Variants in CSMD1 observed in about 807,000 individuals in gnomAD.
CSMD1 encodes the protein CUB and Sushi multiple domains 1.
In CSMD1, 213 loss-of-function variants were observed where a neutral mutation model predicts 417.5. The ratio of observed to expected loss-of-function variants is 0.51; its 90% CI spans 0.46 to 0.57. CSMD1 has a LOEUF of 0.57. CSMD1 is among the 20% of genes least tolerant of loss of function. CSMD1 has a pLI of 0.00. For missense variants in CSMD1, 6,923 were observed against 4,529.7 expected, an observed-to-expected ratio of 1.53 and a Z score of -15.17; for synonymous variants, 2,862 against 1,736.8, an observed-to-expected ratio of 1.65 and a Z score of -16.11.
intron 1 of CSMD1, among the ~76,000 whole-genome samples, chr8:4,799,303 G>C (rs1798152029): frequency 6.6e-6 from 1 of 152,118 alleles, no homozygotes; most frequent in African/African-American, 2.4e-5. Context: ...GTTTATCAAA[G>C]ATGTTCAATT....
intron 10 of CSMD1, among the ~76,000 whole-genome samples, chr8:3,557,833 C>G (rs976361962): frequency 3.3e-5 from 5 of 152,128 alleles, no homozygotes; most frequent in Non-Finnish European, 7.4e-5. Context: ...GCATTATCAC[C>G]CTTTACTCCA....
At chr8:3,609,391 T>A (rs1287468391) in intron 8 of CSMD1, among the ~76,000 whole-genome samples, 1 of 152,266 alleles carries the variant, frequency 6.6e-6, no homozygotes, top group Non-Finnish European at 1.5e-5. Context: ...GACAGTGGTC[T>A]ATGGTGAAAA....
At chr8:4,798,762 T>C (rs970656316) in intron 1 of CSMD1, among the ~76,000 whole-genome samples, 2 of 152,178 alleles carry the variant, frequency 1.3e-5, no homozygotes, top group African/African-American at 2.4e-5. Flanking sequence ...ATTATGCTGA[T>C]AAAAACCTCA....
intron 3 of CSMD1, among the ~76,000 whole-genome samples, chr8:4,409,986 G>T (rs147666607): frequency 6.6e-6 from 1 of 151,936 alleles, no homozygotes; most frequent in African/African-American, 2.4e-5. Flanking sequence ...GCAAATTTTT[G>T]TATTTTTAGT....
chr8:4,291,510 G>C (rs1013027113), intron 3 of CSMD1, among the ~76,000 whole-genome samples: 6 of 152,054 alleles, frequency 3.9e-5, no homozygotes, highest in Non-Finnish European at 7.4e-5. Context: ...CATTTCACTT[G>C]TTTTCGGAAA....
intron 2 of CSMD1, among the ~76,000 whole-genome samples, chr8:4,450,801 TTAC>T (rs1799096130): frequency 6.6e-6 from 1 of 152,170 alleles, no homozygotes; most frequent in African/African-American, 2.4e-5. Flanking sequence ...TTGCTTTCAT[TTAC>T]GAGAGGCATA....
intron 5 of CSMD1, among the ~76,000 whole-genome samples, chr8:3,954,357 T>C (rs1445318409): frequency 6.6e-6 from 1 of 151,188 alleles, no homozygotes; most frequent in Non-Finnish European, 1.5e-5. Flanking sequence ...TTAACTGGGA[T>C]CCTAGGACTT....
In CSMD1 at chr8:3,329,796, G is replaced by A. The variant is rs145433344; in HGVS notation, c.3631+13498C>T. 2.1e-3 allele frequency among the ~76,000 whole-genome samples: 316 copies of A among 152,288 alleles called. 3 individuals carry two copies. The highest frequency in any genetic ancestry group is 7.3e-3 in the African/African-American group (304 of 41,556). On this transcript the variant is annotated intron_variant, in intron 23 of 69. Transcript: ENST00000635120. Reference sequence around the variant, plus strand: ...GATGCATTGTGAGTGAGCCTTTTCTGCCTTCTCTCCTTGTCTGCTAGGGGC... The same window carrying A: ...GATGCATTGTGAGTGAGCCTTTTCTACCTTCTCTCCTTGTCTGCTAGGGGC...
At chr8:3,914,562 G>A (rs1023652426) in intron 5 of CSMD1, among the ~76,000 whole-genome samples, 15 of 152,078 alleles carry the variant, frequency 9.9e-5, no homozygotes, top group African/African-American at 3.4e-4. Context: ...CTGTTGAAAT[G>A]GCAGTTTACT....
At chr8:4,697,716 T>C (rs1000380141) in intron 1 of CSMD1, among the ~76,000 whole-genome samples, 2 of 152,148 alleles carry the variant, frequency 1.3e-5, no homozygotes, top group Non-Finnish European at 2.9e-5. Context: ...CTGAAATATG[T>C]GGATTAGTTA....
At chr8:2,955,796 C>G (rs773104045) in intron 63 of CSMD1, 28 bp from the exon 64 acceptor site, 1 of 1,602,882 alleles carries the variant, frequency 6.2e-7, no homozygotes, top group East Asian at 2.2e-5. Context: ...AACATTGAGA[C>G]TTTGTTTATT....
chr8:2,976,552 T>C (rs1020868735), intron 55 of CSMD1, among the ~76,000 whole-genome samples: 37 of 152,288 alleles, frequency 2.4e-4, no homozygotes, highest in African/African-American at 7.5e-4. Context: ...TCTGGCTAGG[T>C]TGTCCAAGTT....
At chr8:3,548,855 C>T (rs1798790402) in intron 10 of CSMD1, among the ~76,000 whole-genome samples, 1 of 152,194 alleles carries the variant, frequency 6.6e-6, no homozygotes, top group Non-Finnish European at 1.5e-5. Context: ...GCAGGGTGCT[C>T]CCTGGGCTGG....
intron 1 of CSMD1, among the ~76,000 whole-genome samples, chr8:4,942,488 C>G (rs1440899015): frequency 1.3e-5 from 2 of 152,138 alleles, no homozygotes; most frequent in East Asian, 1.9e-4. Flanking sequence ...AATATTTTAA[C>G]TTATATTTGT....
chr8:4,894,183 C>G (rs1017401765), intron 1 of CSMD1, among the ~76,000 whole-genome samples: 6 of 152,020 alleles, frequency 3.9e-5, no homozygotes, highest in African/African-American at 1.5e-4. Context: ...TTAGCTCTTT[C>G]TATATGTCTT....
At chr8:4,170,124 G>C (rs985347174) in intron 3 of CSMD1, among the ~76,000 whole-genome samples, 4 of 151,774 alleles carry the variant, frequency 2.6e-5, no homozygotes, top group Non-Finnish European at 5.9e-5. Context: ...TCTCCCTCCA[G>C]GGGCTTCTCT....
In CSMD1 at chr8:4,118,507, G is replaced by C. The variant is rs575413587; in HGVS notation, c.416-86408C>G. Among the ~76,000 whole-genome samples the C allele has an allele frequency of 1.6e-4, 25 of 152,228 alleles. 2 individuals carry two copies. The South Asian group carries it at 4.8e-3, about 29-fold the overall frequency. ...TATAGAAAAAAGCTCATCATCACTG[G>C]TCACTAGAGAAATGCAAACCAAACC... On this transcript the variant is annotated intron_variant, in intron 3 of 69. Transcript: ENST00000635120.
At chr8:3,848,069 TTC>T (rs111682595) in intron 5 of CSMD1, among the ~76,000 whole-genome samples, 36 of 133,260 alleles carry the variant, frequency 2.7e-4, no homozygotes, top group African/African-American at 7.7e-4. Context: ...CTGGTGATAT[TTC>T]TCTCTCTCTC....
At chr8:4,469,587 G>T (rs999721249) in intron 2 of CSMD1, among the ~76,000 whole-genome samples, 1 of 152,216 alleles carries the variant, frequency 6.6e-6, no homozygotes, top group East Asian at 1.9e-4. Flanking sequence ...CAAACACCTT[G>T]GAGTGGTCTT....
Sources: gnomAD v4.1 joint callset for allele counts (sites outside exome capture counted in the v4.1 genomes callset) on GRCh38, gnomAD v4.1.1 for gene constraint, MANE v1.5 for transcripts, NCBI Gene and HGNC (gene_info 2026-07-23, HGNC 2026-07-21) for gene names.